The following GRXCR2 variants were observed in gnomAD, a reference collection of about 807,000 sequenced individuals.
The protein encoded by GRXCR2 is glutaredoxin and cysteine rich domain containing 2, also known as glutaredoxin domain-containing cysteine-rich protein 2.
GRXCR2 carries 23 observed loss-of-function variants against 24.8 expected under a neutral mutation model. The ratio of observed to expected loss-of-function variants is 0.93; its 90% CI spans 0.67 to 1.32. The LOEUF is 1.32. Among genes scored for constraint, GRXCR2 ranks in the 40% most tolerant of loss-of-function variants. The probability of loss-of-function intolerance (pLI) is 0.00; values close to 1 mark genes in which losing one functional copy is unlikely to be tolerated. For missense variants in GRXCR2, 315 were observed against 303.4 expected (o/e 1.04, Z -0.28); for synonymous variants, 130 against 116.1 (o/e 1.12, Z -0.77).
At chr5:145,904,937 C>G (rs546845848) in intron 2 of GRXCR2, among the ~76,000 whole-genome samples, 14 of 152,202 alleles carry the variant, frequency 9.2e-5, no homozygotes, top group African/African-American at 2.9e-4. Context: ...GGTGTAACAG[C>G]TAGGTCCAAA....
rs540868769 is a variant in GRXCR2, at chr5:145,901,820, G to A, written c.-70+33881C>T. ...AACAGCAAGGATGCCACTGTAGCTG[G>A]AAGGGGCAAGAGTGGATACAGGGGA... On this transcript the variant is annotated intron_variant, in intron 2 of 3. Coordinates refer to the GRXCR2 transcript ENST00000639411. Among the ~76,000 whole-genome samples the A allele has an allele frequency of 2.6e-5, 4 of 152,278 alleles. No individual in the cohort carries two copies. In the South Asian group the frequency reaches 8.3e-4, roughly 32 times the overall value.
chr5:145,886,668 G>A (rs773972042), intron 2 of GRXCR2, among the ~76,000 whole-genome samples: 10 of 152,074 alleles, frequency 6.6e-5, no homozygotes, highest in Non-Finnish European at 1.5e-4. Flanking sequence ...ATGGCCCTGA[G>A]TTTTCTCTAT....
At chr5:145,868,122 A>G (rs1422980183) in intron 1 of GRXCR2, among the ~76,000 whole-genome samples, 1 of 152,186 alleles carries the variant, frequency 6.6e-6, no homozygotes, top group East Asian at 1.9e-4. Flanking sequence ...CGAAAAACAT[A>G]TAAAATAGTG....
At chr5:145,893,946 G>A (rs1380642854) in intron 2 of GRXCR2, among the ~76,000 whole-genome samples, 2 of 152,164 alleles carry the variant, frequency 1.3e-5, no homozygotes, top group African/African-American at 4.8e-5. Flanking sequence ...TCAGACCACA[G>A]TGCAATCAAA....
intron 2 of GRXCR2, among the ~76,000 whole-genome samples, chr5:145,882,354 G>C (rs1756714874): frequency 6.6e-6 from 1 of 152,110 alleles, no homozygotes; most frequent in Non-Finnish European, 1.5e-5. Context: ...TCAAAAAGTG[G>C]GCTAAGGATA....
chr5:145,925,768 A>AC (rs1196405906), intron 2 of GRXCR2, among the ~76,000 whole-genome samples: 1 of 152,180 alleles, frequency 6.6e-6, no homozygotes, highest in African/African-American at 2.4e-5. Flanking sequence ...CACCCTAAAA[A>AC]ATGTCTAATT....
At chr5:145,883,860 C>T (rs573526858) in intron 2 of GRXCR2, among the ~76,000 whole-genome samples, 11 of 152,170 alleles carry the variant, frequency 7.2e-5, no homozygotes, top group Non-Finnish European at 1.3e-4. Flanking sequence ...TGCACTCCAG[C>T]CTGGGCGACA....
intron 2 of GRXCR2, among the ~76,000 whole-genome samples, chr5:145,925,049 T>C (rs73792737): frequency 0.025 from 3,871 of 152,288 alleles, 179 homozygotes; most frequent in African/African-American, 0.088. Context: ...CTTACTCCTG[T>C]CACACTCTTT....
At chr5:145,920,163 G>A (rs1412484064) in intron 2 of GRXCR2, among the ~76,000 whole-genome samples, 1 of 152,120 alleles carries the variant, frequency 6.6e-6, no homozygotes, top group Non-Finnish European at 1.5e-5. Context: ...CAGCCGGGTG[G>A]GGGTGTCTAC....
At chr5:145,872,049 A>G (rs1294743054) in intron 1 of GRXCR2, among the ~76,000 whole-genome samples, 1 of 152,268 alleles carries the variant, frequency 6.6e-6, no homozygotes, top group East Asian at 1.9e-4. Flanking sequence ...ATTAGCTCAA[A>G]CTTCTTCCTC....
chr5:145,920,145 T>C (rs538473649), intron 2 of GRXCR2, among the ~76,000 whole-genome samples: 2 of 152,266 alleles, frequency 1.3e-5, no homozygotes, highest in East Asian at 3.9e-4. Flanking sequence ...ACCCTAAAAT[T>C]AGAATTGCAG....
At chr5:145,898,268 C>G (rs1329162763) in intron 2 of GRXCR2, among the ~76,000 whole-genome samples, 1 of 150,698 alleles carries the variant, frequency 6.6e-6, no homozygotes, top group Non-Finnish European at 1.5e-5. Flanking sequence ...TGAATCAGTT[C>G]TGAAATTGAA....
intron 2 of GRXCR2, among the ~76,000 whole-genome samples, chr5:145,895,055 T>C (rs1016988116): frequency 6.6e-6 from 1 of 152,118 alleles, no homozygotes; most frequent in Non-Finnish European, 1.5e-5. Flanking sequence ...CCTCAACAGA[T>C]GCAGAAAAAC....
chr5:145,875,404 C>T (rs1469965208), upstream of GRXCR2, among the ~76,000 whole-genome samples: 1 of 152,036 alleles, frequency 6.6e-6, no homozygotes, highest in African/African-American at 2.4e-5. Flanking sequence ...CAAAAATTAG[C>T]AGGGTGTGGT....
At position 145,872,827 on chromosome 5, in the gene GRXCR2, C is replaced by G; in HGVS notation, c.142G>C (p.Glu48Gln). Residue 48 changes from glutamate to glutamine, a missense_variant, in exon 1 of 3, where the codon GAA becomes CAA. By Grantham distance (29) the Glu-to-Gln change is conservative (BLOSUM62 2). Transcript: ENST00000377976. ...DGQELESPKE[E>Q]YPHSFLQESL... The stretch of plus-strand genomic sequence containing the variant: ...TCTTGCAGAAAACTGTGAGGGTATT[C>G]CTCCTTTGGTGACTCTAATTCCTGC... The G allele has an allele frequency of 1.1e-5, 18 of 1,614,154 alleles. No homozygotes were observed. The highest frequency in any genetic ancestry group is 1.5e-5 in the Non-Finnish European group (18 of 1,180,012).
chr5:145,907,102 G>T (rs1350936584), intron 2 of GRXCR2, among the ~76,000 whole-genome samples: 1 of 152,144 alleles, frequency 6.6e-6, no homozygotes, highest in Non-Finnish European at 1.5e-5. Context: ...GGGTAGGTCA[G>T]ATGAGATTAG....
chr5:145,896,227 G>C (rs1397709576), intron 2 of GRXCR2, among the ~76,000 whole-genome samples: 1 of 152,130 alleles, frequency 6.6e-6, no homozygotes, highest in Non-Finnish European at 1.5e-5. Context: ...CATGGGCAAG[G>C]ACTTCATGTC....
chr5:145,929,006 G>T (rs1295000412), intron 2 of GRXCR2, among the ~76,000 whole-genome samples: 1 of 151,496 alleles, frequency 6.6e-6, no homozygotes, highest in East Asian at 1.9e-4. Flanking sequence ...AAGCCCAGTG[G>T]CTAGAAATAA....
intron 2 of GRXCR2, among the ~76,000 whole-genome samples, chr5:145,904,351 T>C (rs1005968395): frequency 1.3e-5 from 2 of 152,132 alleles, no homozygotes; most frequent in Non-Finnish European, 2.9e-5. Flanking sequence ...TGATGGTTGA[T>C]GGGATCTTGC....
Sources: allele counts gnomAD v4.1 joint callset (sites outside exome capture counted in the v4.1 genomes callset), GRCh38; gene constraint gnomAD v4.1.1; transcripts MANE v1.5; gene names NCBI Gene and HGNC (gene_info 2026-07-23, HGNC 2026-07-21).